Variants in MYT1L observed in about 807,000 individuals in gnomAD.
MYT1L encodes the protein myelin transcription factor 1-like protein.
MYT1L carries 12 observed loss-of-function variants against 126.7 expected under a neutral mutation model. That is an observed-to-expected ratio of 0.09 (90% confidence interval 0.06 to 0.15). The LOEUF (loss-of-function observed/expected upper bound fraction) is 0.15. MYT1L is among the 10% of genes least tolerant of loss of function. MYT1L has a pLI of 1.00. For synonymous variants in MYT1L, 541 were observed against 604.2 expected (o/e 0.90, Z 1.53); for missense variants, 979 against 1,585.2 (o/e 0.62, Z 6.49).
At chr2:1,792,613 G>C in intron 23 of MYT1L, 149 bp from the exon 24 acceptor site, 1 of 848,998 alleles carries the variant, frequency 1.2e-6, no homozygotes, top group Non-Finnish European at 1.7e-6. Context: ...CTCACGCCTG[G>C]AATCCCAGCA....
chr2:1,816,268 GC>G (rs138326630), intron 21 of MYT1L: 6,407 of 152,808 alleles, frequency 0.042, 155 homozygotes, highest in East Asian at 0.067. Flanking sequence ...CCCAAGGCAA[GC>G]GATCATTCTG....
intron 4 of MYT1L, among the ~76,000 whole-genome samples, chr2:2,002,169 T>C (rs1427033970): frequency 1.3e-5 from 2 of 152,138 alleles, no homozygotes; most frequent in African/African-American, 2.4e-5. Flanking sequence ...AACTCACAAA[T>C]GAATTGTGGC....
intron 2 of MYT1L, among the ~76,000 whole-genome samples, chr2:2,173,517 T>C (rs1390187136): frequency 6.6e-6 from 1 of 152,248 alleles, no homozygotes. Context: ...AATGGAAATG[T>C]AGAAATTATT....
chr2:2,103,153 G>T (rs894798545), intron 3 of MYT1L, among the ~76,000 whole-genome samples: 2 of 152,058 alleles, frequency 1.3e-5, no homozygotes, highest in African/African-American at 4.8e-5. Context: ...AATTTTCAAA[G>T]AAATCTCTGC....
rs752003143 is a variant in MYT1L at position 1,914,210 on chromosome 2, C to T, written c.1619-2100G>A. Among the ~76,000 whole-genome samples the T allele has an allele frequency of 5.3e-5, 8 of 152,038 alleles. 2 individuals are homozygous for T. The highest frequency in any genetic ancestry group is 1.5e-5 in the Non-Finnish European group (1 of 67,946). Reference sequence around the variant, plus strand: ...CGGAGGTTGCAGTGAGCCGAGATTACGCCATTGCACTCCAGCCTGGGCGAC... The same window carrying T: ...CGGAGGTTGCAGTGAGCCGAGATTATGCCATTGCACTCCAGCCTGGGCGAC... On this transcript the variant is annotated intron_variant, in intron 11 of 24. Coordinates refer to ENST00000647738, the MANE Select transcript of MYT1L (RefSeq NM_001303052.2).
chr2:2,279,924 T>A (rs1247862691), intron 2 of MYT1L, among the ~76,000 whole-genome samples: 1 of 152,166 alleles, frequency 6.6e-6, no homozygotes, highest in African/African-American at 2.4e-5. Context: ...GCAGGACAAG[T>A]ACATGGCATA....
chr2:1,934,835 T>C (rs1469719392), intron 9 of MYT1L, among the ~76,000 whole-genome samples: 1 of 151,568 alleles, frequency 6.6e-6, no homozygotes, highest in Non-Finnish European at 1.5e-5. Context: ...CCCAGAGTGA[T>C]TGCTTTTATT....
At chr2:1,939,668 C>T (rs1027027952) in intron 9 of MYT1L, among the ~76,000 whole-genome samples, 3 of 152,222 alleles carry the variant, frequency 2.0e-5, no homozygotes, top group South Asian at 2.1e-4. Context: ...ATACATTAAA[C>T]GTAACTAGGA....
chr2:2,170,375 G>A (rs879606889), intron 3 of MYT1L, among the ~76,000 whole-genome samples: 5 of 152,172 alleles, frequency 3.3e-5, no homozygotes, highest in Admixed American at 1.3e-4. Context: ...TACTGATGCT[G>A]TAAATAAAGT....
intron 10 of MYT1L, among the ~76,000 whole-genome samples, chr2:1,920,566 A>C (rs1050656543): frequency 1.3e-5 from 2 of 152,184 alleles, no homozygotes; most frequent in African/African-American, 4.8e-5. Flanking sequence ...CCCAAACTCC[A>C]TCCTCAGATC....
In MYT1L at chr2:1,922,175, C is replaced by CAGT. The variant is rs1329122469; in HGVS notation, c.1483+108_1483+110dup. On this transcript the variant is annotated intron_variant, in intron 10 of 24. Transcript: ENST00000647738. This position sits in a 1 kb window ranked among gnomAD's most constrained non-coding sequence, Gnocchi z 7.4. Reference sequence around the variant, plus strand: ...TTCTGGAATCAACTCTAAGAATGTGCAGTAGAGACATAATTCAGTGTGAGT... The same window carrying CAGT: ...TTCTGGAATCAACTCTAAGAATGTGCAGTAGTAGAGACATAATTCAGTGTGAGT... 8 of 1,342,516 alleles carry CAGT rather than the reference C, an allele frequency of 6.0e-6. No individual in the cohort carries two copies. Among genetic ancestry groups the CAGT allele is most frequent in the Non-Finnish European group, 6.1e-6 (6 of 988,422 alleles). The allele number at this position is 1,342,516 out of a possible 1,614,324, so 83.2% of individuals were successfully genotyped here.
intron 4 of MYT1L, among the ~76,000 whole-genome samples, chr2:2,005,736 G>GCATTCTTTCCTGCA: frequency 8.6e-6 from 1 of 116,452 alleles, no homozygotes; most frequent in African/African-American, 3.5e-5. Flanking sequence ...TCTTTCCTGT[G>GCATTCTTTCCTGCA]TGCCTTCTTT....
intron 2 of MYT1L, among the ~76,000 whole-genome samples, chr2:2,274,504 C>T (rs1214926374): frequency 1.3e-5 from 2 of 152,112 alleles, no homozygotes; most frequent in Non-Finnish European, 2.9e-5. Flanking sequence ...CTTAATCACT[C>T]ATAATATGTG....
At chr2:2,033,479 C>T (rs1338231883) in intron 4 of MYT1L, among the ~76,000 whole-genome samples, 1 of 152,154 alleles carries the variant, frequency 6.6e-6, no homozygotes, top group Admixed American at 6.5e-5. Context: ...CCTATGGCAA[C>T]GAGGCAGAAC....
chr2:2,064,429 A>C (rs938007599), intron 3 of MYT1L, among the ~76,000 whole-genome samples: 18 of 152,224 alleles, frequency 1.2e-4, no homozygotes, highest in Non-Finnish European at 2.1e-4. Flanking sequence ...TGAAGTTTTC[A>C]AGATCAGGTG....
chr2:2,298,494 A>G (rs1414712403), intron 1 of MYT1L, among the ~76,000 whole-genome samples: 1 of 152,376 alleles, frequency 6.6e-6, no homozygotes, highest in Non-Finnish European at 1.5e-5. Context: ...GCAGGCCACA[A>G]CAGCACAAAC....
intron 14 of MYT1L, among the ~76,000 whole-genome samples, chr2:1,902,320 C>T (rs1199453539): frequency 6.6e-6 from 1 of 152,218 alleles, no homozygotes; most frequent in Non-Finnish European, 1.5e-5. Context: ...GTTGCATGAG[C>T]TCTATTTTGT....
intron 3 of MYT1L, among the ~76,000 whole-genome samples, chr2:2,081,010 C>A (rs978059688): frequency 6.6e-6 from 1 of 152,080 alleles, no homozygotes; most frequent in Non-Finnish European, 1.5e-5. Flanking sequence ...GCTGGGAGGG[C>A]AGAATCAAGG....
chr2:1,991,191 C>T (rs1441083256), intron 5 of MYT1L, among the ~76,000 whole-genome samples: 1 of 152,190 alleles, frequency 6.6e-6, no homozygotes, highest in Admixed American at 6.5e-5. Context: ...TCTCTGCTCG[C>T]TGCCAGGAAT....
Sources: gnomAD v4.1 joint callset for allele counts (sites outside exome capture counted in the v4.1 genomes callset) on GRCh38, gnomAD v4.1.1 for gene constraint, Gnocchi (gnomAD v3.1) non-coding constraint, MANE v1.5 for transcripts, NCBI Gene and HGNC (gene_info 2026-07-23, HGNC 2026-07-21) for gene names.